TBX15: variants seen among roughly 807,000 people sequenced by gnomAD.
The protein encoded by TBX15 is T-box transcription factor 15.
A neutral mutation model predicts 53.9 loss-of-function variants in TBX15; 18 were observed. That is an observed-to-expected ratio of 0.33 (90% CI 0.23 to 0.49). The LOEUF (loss-of-function observed/expected upper bound fraction) is 0.49, where lower values mean the gene tolerates loss of function less well. TBX15 is among the 20% of genes least tolerant of loss of function. The pLI is 0.98. For missense variants in TBX15, 692 were observed against 749.5 expected (o/e 0.92, Z 0.90); for synonymous variants, 295 against 278.0 (o/e 1.06, Z -0.61).
intron 6 of TBX15, among the ~76,000 whole-genome samples, chr1:118,903,082 C>G (rs1319544019): frequency 1.3e-5 from 2 of 152,090 alleles, no homozygotes; most frequent in Non-Finnish European, 1.5e-5. Context: ...CCCTCTTGCT[C>G]ATTTTTTCCC....
chr1:118,984,676 TGA>T, intron 1 of TBX15, among the ~76,000 whole-genome samples: 1 of 152,346 alleles, frequency 6.6e-6, no homozygotes, highest in East Asian at 1.9e-4. Context: ...TCCAAAAGAC[TGA>T]GAGTGCCGGC....
chr1:118,898,654 T>C (rs2101498661), intron 7 of TBX15, among the ~76,000 whole-genome samples: 1 of 152,226 alleles, frequency 6.6e-6, no homozygotes, highest in African/African-American at 2.4e-5. Context: ...TCACGAAACT[T>C]TTCTTATTCT....
chr1:118,940,945 T>C (rs1656158121), intron 1 of TBX15, among the ~76,000 whole-genome samples: 2 of 149,820 alleles, frequency 1.3e-5, no homozygotes, highest in African/African-American at 5.1e-5. Flanking sequence ...CCTAAGTACC[T>C]CTTGCACCAA....
chr1:118,894,666 G>T (rs1047595004), intron 7 of TBX15, among the ~76,000 whole-genome samples: 1 of 152,118 alleles, frequency 6.6e-6, no homozygotes, highest in Non-Finnish European at 1.5e-5. Context: ...TTGAGCATGG[G>T]GGTAGGGCAG....
intron 1 of TBX15, among the ~76,000 whole-genome samples, chr1:118,961,029 G>A (rs868624273): frequency 6.6e-6 from 1 of 152,316 alleles, no homozygotes; most frequent in South Asian, 2.1e-4. Flanking sequence ...TGGCAGTTGT[G>A]CTGGGCTATA....
intron 1 of TBX15, among the ~76,000 whole-genome samples, chr1:118,961,223 CTG>C (rs1054197482): frequency 6.6e-6 from 1 of 152,210 alleles, no homozygotes; most frequent in Non-Finnish European, 1.5e-5. Flanking sequence ...ACCCATCCCC[CTG>C]TGTTTCACTT....
intron 1 of TBX15, among the ~76,000 whole-genome samples, chr1:118,979,936 C>T (rs1268500033): frequency 1.3e-5 from 2 of 152,164 alleles, no homozygotes; most frequent in Admixed American, 6.5e-5. Context: ...GCGCCTGACC[C>T]GTTCGCCGTT....
intron 5 of TBX15, among the ~76,000 whole-genome samples, chr1:118,921,522 GAC>G (rs1241669348): frequency 6.6e-6 from 1 of 152,150 alleles, no homozygotes; most frequent in Admixed American, 6.5e-5. Context: ...CATTTTCTAA[GAC>G]AAGAAACTGA....
chr1:118,925,404 C>T (rs1655561420), intron 3 of TBX15, among the ~76,000 whole-genome samples: 2 of 152,342 alleles, frequency 1.3e-5, no homozygotes, highest in Non-Finnish European at 2.9e-5. Flanking sequence ...TCTCTGCAAC[C>T]ATTTCAGAAG....
At chr1:118,909,550 TTTG>T (rs35781450) in intron 6 of TBX15, among the ~76,000 whole-genome samples, 146 of 152,078 alleles carry the variant, frequency 9.6e-4, no homozygotes, top group Admixed American at 1.5e-3. Flanking sequence ...ATATCTCTGT[TTTG>T]TTGTTGTTGT....
intron 5 of TBX15, among the ~76,000 whole-genome samples, chr1:118,915,245 A>G (rs1655180831): frequency 6.6e-6 from 1 of 152,238 alleles, no homozygotes; most frequent in African/African-American, 2.4e-5. Context: ...AGGGAATCTC[A>G]TTATTTAAGA....
intron 7 of TBX15, among the ~76,000 whole-genome samples, chr1:118,891,386 C>G (rs1225457304): frequency 6.6e-6 from 1 of 152,170 alleles, no homozygotes; most frequent in Non-Finnish European, 1.5e-5. Flanking sequence ...ATTGTTTTCT[C>G]CCCTACTTGT....
chr1:118,932,181 G>A (rs1247026205), intron 1 of TBX15, among the ~76,000 whole-genome samples: 1 of 152,120 alleles, frequency 6.6e-6, no homozygotes, highest in Non-Finnish European at 1.5e-5. Context: ...CAAAATAAAT[G>A]CCATATTAAA....
At chr1:118,952,038 T>C (rs1350214498) in intron 1 of TBX15, among the ~76,000 whole-genome samples, 1 of 152,050 alleles carries the variant, frequency 6.6e-6, no homozygotes, top group Non-Finnish European at 1.5e-5. Flanking sequence ...TTTGCCTTTG[T>C]CACCCCTGAG....
At chr1:118,983,114 C>T (rs1363748955) in intron 1 of TBX15, among the ~76,000 whole-genome samples, 1 of 152,134 alleles carries the variant, frequency 6.6e-6, no homozygotes, top group African/African-American at 2.4e-5. Flanking sequence ...AGGAGAGACC[C>T]GCACACCCCC....
At chr1:118,890,873 C>A in intron 7 of TBX15, 1 of 1,303,224 alleles carries the variant, frequency 7.7e-7, no homozygotes, top group Non-Finnish European at 1.0e-6. Context: ...TTACTTCGTT[C>A]CATGAGCCAG....
At chr1:118,951,505 G>T (rs1656510150) in intron 1 of TBX15, among the ~76,000 whole-genome samples, 1 of 152,200 alleles carries the variant, frequency 6.6e-6, no homozygotes, top group Non-Finnish European at 1.5e-5. Context: ...GGAGATATGT[G>T]GAGACCCAGA....
intron 7 of TBX15, among the ~76,000 whole-genome samples, chr1:118,895,915 A>G (rs1174299374): frequency 6.6e-6 from 1 of 152,200 alleles, no homozygotes; most frequent in Non-Finnish European, 1.5e-5. Flanking sequence ...CCTGTCAAAT[A>G]AGAGATCTGC....
chr1:118,924,617 GA>G, intron 4 of TBX15, 28 bp downstream of exon 4: 1 of 1,613,742 alleles, frequency 6.2e-7, no homozygotes, highest in South Asian at 1.1e-5. Flanking sequence ...AAGAGAGAAA[GA>G]AAGGGGAGAT....
Sources: allele counts gnomAD v4.1 joint callset (sites outside exome capture counted in the v4.1 genomes callset), GRCh38; gene constraint gnomAD v4.1.1; transcripts MANE v1.5; gene names NCBI Gene and HGNC (gene_info 2026-07-23, HGNC 2026-07-21).